Variants in MCC observed in about 807,000 individuals in gnomAD.
MCC encodes the protein colorectal mutant cancer protein.
Under a neutral mutation model 116.2 loss-of-function variants are expected in MCC, and 90 were observed. The ratio of observed to expected loss-of-function variants is 0.77; its 90% confidence interval spans 0.65 to 0.92. MCC has a LOEUF of 0.92. Ranked by LOEUF, MCC falls within the 40% of genes least tolerant of loss-of-function variation. MCC has a pLI of 0.00. For missense variants in MCC, 1,516 were observed against 1,312.2 expected (o/e 1.16, Z -2.40); for synonymous variants, 578 against 510.5 (o/e 1.13, Z -1.78).
intron 1 of MCC, among the ~76,000 whole-genome samples, chr5:113,459,131 A>ATGTGTG (rs1491293367): frequency 4.7e-4 from 30 of 64,062 alleles, no homozygotes; most frequent in African/African-American, 1.6e-3. Context: ...AGGAGTAAGG[A>ATGTGTG]TATGTGTGTG....
At chr5:113,059,527 G>A (rs1054868499) in intron 14 of MCC, among the ~76,000 whole-genome samples, 3 of 152,172 alleles carry the variant, frequency 2.0e-5, no homozygotes, top group African/African-American at 7.2e-5. Flanking sequence ...GTTGTCAAGG[G>A]GGAATCAATC....
intron 3 of MCC, among the ~76,000 whole-genome samples, chr5:113,295,360 C>T (rs911910434): frequency 6.6e-6 from 1 of 152,006 alleles, no homozygotes; most frequent in African/African-American, 2.4e-5. Context: ...GTCAACGCTA[C>T]GGGTGTAAAT....
At chr5:113,176,981 T>A (rs912045178) in intron 3 of MCC, among the ~76,000 whole-genome samples, 1 of 152,228 alleles carries the variant, frequency 6.6e-6, no homozygotes, top group African/African-American at 2.4e-5. Flanking sequence ...CTGAGGTGCA[T>A]GTCTGATGAC....
intron 3 of MCC, among the ~76,000 whole-genome samples, chr5:113,316,151 G>A (rs1247483888): frequency 6.6e-6 from 1 of 151,774 alleles, no homozygotes; most frequent in East Asian, 1.9e-4. Context: ...AGCTACTCAG[G>A]AGGCTGAGGC....
intron 2 of MCC, among the ~76,000 whole-genome samples, chr5:113,373,578 T>C (rs951745704): frequency 6.6e-6 from 1 of 152,216 alleles, no homozygotes; most frequent in Non-Finnish European, 1.5e-5. Flanking sequence ...GGTTTACAGT[T>C]TCCTCTTTCA....
At chr5:113,214,246 G>A (rs909572463) in intron 3 of MCC, among the ~76,000 whole-genome samples, 1 of 152,096 alleles carries the variant, frequency 6.6e-6, no homozygotes, top group African/African-American at 2.4e-5. Context: ...CACAAAGAAC[G>A]ACGGAGCTGA....
At chr5:113,379,090 A>ACCCT (rs1769049735) in intron 2 of MCC, among the ~76,000 whole-genome samples, 1 of 152,192 alleles carries the variant, frequency 6.6e-6, no homozygotes, top group Non-Finnish European at 1.5e-5. Flanking sequence ...TTGCCCTCAG[A>ACCCT]CCCTGCCTCA....
intron 3 of MCC, among the ~76,000 whole-genome samples, chr5:113,156,156 T>G (rs1760158738): frequency 6.6e-6 from 1 of 152,164 alleles, no homozygotes; most frequent in African/African-American, 2.4e-5. Context: ...ACCCCAGACT[T>G]CTGTTACAGA....
chr5:113,441,967 G>A (rs1771055198), intron 1 of MCC, among the ~76,000 whole-genome samples: 1 of 152,150 alleles, frequency 6.6e-6, no homozygotes, highest in African/African-American at 2.4e-5. Context: ...ATGTGCATGT[G>A]TCTTTATAGA....
intron 1 of MCC, among the ~76,000 whole-genome samples, chr5:113,477,742 G>C (rs965328263): frequency 5.9e-5 from 9 of 152,150 alleles, no homozygotes; most frequent in Non-Finnish European, 1.0e-4. Context: ...ATTAGCCCTA[G>C]TCTAAAGACT....
chr5:113,285,272 C>T (rs191041604), intron 3 of MCC, among the ~76,000 whole-genome samples: 1 of 152,256 alleles, frequency 6.6e-6, no homozygotes. Context: ...CTTTAACTGG[C>T]TTTCAGAACA....
At chr5:113,458,489 C>G (rs1046863836) in intron 1 of MCC, among the ~76,000 whole-genome samples, 1 of 152,172 alleles carries the variant, frequency 6.6e-6, no homozygotes, top group Non-Finnish European at 1.5e-5. Flanking sequence ...ACACTCACCG[C>G]GAGGGTCCAT....
intron 5 of MCC, among the ~76,000 whole-genome samples, chr5:113,141,636 G>A (rs1380260395): frequency 6.6e-6 from 1 of 152,156 alleles, no homozygotes; most frequent in Non-Finnish European, 1.5e-5. Context: ...ATCCCCTCGA[G>A]GAGGGGCCAG....
chr5:113,391,449 TC>T (rs1769398971), intron 1 of MCC, among the ~76,000 whole-genome samples: 1 of 152,278 alleles, frequency 6.6e-6, no homozygotes, highest in African/African-American at 2.4e-5. Flanking sequence ...GCATAGTGGT[TC>T]ATGCCTGTAA....
At chr5:113,466,636 A>G (rs993753422) in intron 1 of MCC, among the ~76,000 whole-genome samples, 1 of 152,116 alleles carries the variant, frequency 6.6e-6, no homozygotes, top group Non-Finnish European at 1.5e-5. Flanking sequence ...TAGTGCTGCT[A>G]TAAACATACG....
intron 3 of MCC, among the ~76,000 whole-genome samples, chr5:113,242,649 A>G (rs1219288815): frequency 1.3e-5 from 2 of 152,146 alleles, no homozygotes; most frequent in South Asian, 2.1e-4. Flanking sequence ...GGAGAGGCAG[A>G]GTGCCCAGGG....
At chr5:113,445,251 G>C (rs1771176663) in intron 1 of MCC, among the ~76,000 whole-genome samples, 1 of 152,052 alleles carries the variant, frequency 6.6e-6, no homozygotes, top group Admixed American at 6.6e-5. Context: ...AGAGCAATCA[G>C]GCAAGAGAAA....
At chr5:113,087,138 G>A (rs915000279) in intron 8 of MCC, among the ~76,000 whole-genome samples, 6 of 152,312 alleles carry the variant, frequency 3.9e-5, no homozygotes, top group African/African-American at 1.4e-4. Context: ...TCTCTAAAAG[G>A]CACTGGAAAG....
rs143429950 is a variant in MCC at position 113,105,539 on chromosome 5, T to A, written c.1028-1184A>T. Among the ~76,000 whole-genome samples, 417 of 152,294 alleles carry A rather than the reference T, an allele frequency of 2.7e-3. 2 individuals carry two copies. Among genetic ancestry groups the A allele is most frequent in the African/African-American group, 8.7e-3 (360 of 41,562 alleles). Reference sequence around the variant, plus strand: ...CTGTTCCTCCCCGATCTCTCCCATCTCCATGAATGGCACCCCTATCCACCC... The same window carrying A: ...CTGTTCCTCCCCGATCTCTCCCATCACCATGAATGGCACCCCTATCCACCC... On this transcript the variant is annotated intron_variant, in intron 6 of 18. Coordinates refer to ENST00000408903, the MANE Select transcript of MCC (RefSeq NM_001085377.2).
Sources: allele counts gnomAD v4.1 joint callset (sites outside exome capture counted in the v4.1 genomes callset), GRCh38; gene constraint gnomAD v4.1.1; transcripts MANE v1.5; gene names NCBI Gene and HGNC (gene_info 2026-07-23, HGNC 2026-07-21).